DNAJC12: variants seen among roughly 807,000 people sequenced by gnomAD.
The protein encoded by DNAJC12 is dnaJ homolog subfamily C member 12.
In DNAJC12, 25 loss-of-function variants were observed where a neutral mutation model predicts 28.5. The ratio of observed to expected loss-of-function variants is 0.88; its 90% CI spans 0.64 to 1.22. DNAJC12 has a LOEUF of 1.22. Ranked by LOEUF, DNAJC12 falls within the 50% of genes most tolerant of loss-of-function variation. The pLI is 0.00. For missense variants in DNAJC12, 222 were observed against 231.7 expected, an observed-to-expected ratio of 0.96 and a Z score of 0.27; for synonymous variants, 77 against 80.6, an observed-to-expected ratio of 0.95 and a Z score of 0.24.
chr10:67,798,488 TA>T (rs1841702907), intron 4 of DNAJC12, among the ~76,000 whole-genome samples: 1 of 151,522 alleles, frequency 6.6e-6, no homozygotes, highest in African/African-American at 2.4e-5. Context: ...GAGACCAGCA[TA>T]GGCAACATGG....
intron 4 of DNAJC12, among the ~76,000 whole-genome samples, chr10:67,798,027 G>A (rs1462960128): frequency 7.1e-6 from 1 of 141,550 alleles, no homozygotes; most frequent in Non-Finnish European, 1.5e-5. Context: ...GCGACAGAGC[G>A]AGATTCTGTC....
At position 67,833,144 on chromosome 10, in the gene DNAJC12, A is replaced by G. The variant is rs575165201; in HGVS notation, c.78+4790T>C. Among the ~76,000 whole-genome samples the G allele has an allele frequency of 2.0e-5, 3 of 152,322 alleles. No homozygotes were observed. The East Asian group carries it at 5.8e-4, about 29-fold the overall frequency. ...GATCCTGGCTTGGATCCTAGAACAG[A>G]AAAAGGGCATTATTAGGAAAACTGA... On this transcript the variant is annotated intron_variant, in intron 1 of 4. Transcript: ENST00000225171.
chr10:67,797,613 T>C (rs1352629735), intron 4 of DNAJC12, among the ~76,000 whole-genome samples: 2 of 151,892 alleles, frequency 1.3e-5, no homozygotes, highest in African/African-American at 4.8e-5. Flanking sequence ...GTAATAAGAT[T>C]TTTTTTTAGT....
intron 4 of DNAJC12, among the ~76,000 whole-genome samples, chr10:67,801,358 A>T (rs554231099): frequency 1.5e-4 from 23 of 152,352 alleles, no homozygotes; most frequent in African/African-American, 5.0e-4. Flanking sequence ...TAATCATGCA[A>T]CAGCACTTTG....
chr10:67,805,360 A>C (rs1841789370), intron 4 of DNAJC12, among the ~76,000 whole-genome samples: 1 of 152,240 alleles, frequency 6.6e-6, no homozygotes, highest in Non-Finnish European at 1.5e-5. Context: ...GTTAGCTAGC[A>C]TTATGTCAGT....
intron 1 of DNAJC12, among the ~76,000 whole-genome samples, chr10:67,835,096 A>G (rs1156293346): frequency 1.3e-5 from 2 of 152,230 alleles, no homozygotes; most frequent in African/African-American, 2.4e-5. Flanking sequence ...TAGAAAATAC[A>G]TAATTTTACT....
At chr10:67,823,721 T>C (rs564354898) in intron 1 of DNAJC12, among the ~76,000 whole-genome samples, 1 of 151,286 alleles carries the variant, frequency 6.6e-6, no homozygotes, top group East Asian at 1.9e-4. Flanking sequence ...AGGTCAAACT[T>C]AAATGGCATG....
intron 4 of DNAJC12, among the ~76,000 whole-genome samples, chr10:67,801,651 G>T (rs918205452): frequency 5.3e-5 from 8 of 151,648 alleles, no homozygotes; most frequent in Middle Eastern, 3.2e-3. Flanking sequence ...TTAGCCAGGT[G>T]TGGTGGCGGG....
At chr10:67,831,641 C>G (rs1842094461) in intron 1 of DNAJC12, among the ~76,000 whole-genome samples, 1 of 152,184 alleles carries the variant, frequency 6.6e-6, no homozygotes, top group Non-Finnish European at 1.5e-5. Flanking sequence ...ATTTCTGCTG[C>G]ACTTATAGAC....
At chr10:67,837,012 T>C (rs1445358185) in intron 1 of DNAJC12, among the ~76,000 whole-genome samples, 3 of 150,912 alleles carry the variant, frequency 2.0e-5, no homozygotes, top group East Asian at 3.8e-4. Context: ...ATTTGAAATA[T>C]TGAAAAATTG....
Position 67,811,605 on chromosome 10 carries a change from T to A in DNAJC12, c.216A>T (p.Arg72=), listed in dbSNP as rs1163145659. Residue 72 remains arginine, a synonymous_variant, in exon 3 of 5, where the codon CGA becomes CGT. Coordinates refer to ENST00000225171, the MANE Select transcript of DNAJC12 (RefSeq NM_021800.3). ...AKEILTNEES[R]ARYDHWRRSQ... is the part of the protein sequence containing the mutation. ...TCCTTCGCCAGTGGTCATAGCGGGC[T>A]CGACTCTCTTCATTGGTCAGAATCT... 1 of 1,614,242 alleles carries A rather than the reference T, an allele frequency of 6.2e-7. No homozygotes were observed. Among genetic ancestry groups the A allele is most frequent in the Non-Finnish European group, 8.5e-7 (1 of 1,180,034 alleles).
chr10:67,801,878 G>A (rs1841749910), intron 4 of DNAJC12, among the ~76,000 whole-genome samples: 1 of 84,394 alleles, frequency 1.2e-5, no homozygotes, highest in African/African-American at 5.3e-5. Context: ...TTTTGACACG[G>A]AGACACAGGG....
At chr10:67,812,985 G>A (rs1445935254) in intron 2 of DNAJC12, among the ~76,000 whole-genome samples, 3 of 152,154 alleles carry the variant, frequency 2.0e-5, no homozygotes, top group Non-Finnish European at 2.9e-5. Context: ...TTGCACCACT[G>A]CACTCCAGCC....
intron 4 of DNAJC12, among the ~76,000 whole-genome samples, chr10:67,804,780 C>T (rs1417600491): frequency 2.0e-5 from 3 of 152,078 alleles, no homozygotes; most frequent in Non-Finnish European, 4.4e-5. Context: ...ACCTGTAATC[C>T]CAGCACTTTG....
At chr10:67,820,573 T>C (rs1224379825) in intron 2 of DNAJC12, among the ~76,000 whole-genome samples, 2 of 152,104 alleles carry the variant, frequency 1.3e-5, no homozygotes, top group African/African-American at 4.8e-5. Context: ...CTCACACTTA[T>C]TATTTGCTCA....
intron 2 of DNAJC12, among the ~76,000 whole-genome samples, chr10:67,820,777 CTTTTTTTTTTT>C (rs71006170): frequency 2.9e-5 from 2 of 68,520 alleles, no homozygotes; most frequent in Admixed American, 2.0e-4. Context: ...TTCTTTTTTC[CTTTTTTTTTTT>C]TTTTTTTTTT....
chr10:67,817,837 C>T (rs1328598490), intron 2 of DNAJC12, among the ~76,000 whole-genome samples: 1 of 152,050 alleles, frequency 6.6e-6, no homozygotes, highest in Non-Finnish European at 1.5e-5. Context: ...GAGATTGTGC[C>T]ACTGCACTCC....
chr10:67,821,742 T>C (rs1841983138), intron 2 of DNAJC12, among the ~76,000 whole-genome samples: 1 of 152,132 alleles, frequency 6.6e-6, no homozygotes, highest in African/African-American at 2.4e-5. Context: ...AATCCAAGCA[T>C]GAAATGATGG....
At chr10:67,822,189 C>A (rs1444107656) in intron 2 of DNAJC12, among the ~76,000 whole-genome samples, 2 of 152,092 alleles carry the variant, frequency 1.3e-5, no homozygotes, top group African/African-American at 4.8e-5. Flanking sequence ...TAGGAGGGAA[C>A]CTTGGGGCAA....
Sources: gnomAD v4.1 joint callset for allele counts (sites outside exome capture counted in the v4.1 genomes callset) on GRCh38, gnomAD v4.1.1 for gene constraint, MANE v1.5 for transcripts, NCBI Gene and HGNC (gene_info 2026-07-23, HGNC 2026-07-21) for gene names.